ELMO1: variants seen among roughly 807,000 people sequenced by gnomAD.
ELMO1 encodes engulfment and cell motility protein 1.
A neutral mutation model predicts 98.9 loss-of-function variants in ELMO1; 26 were observed. The observed-to-expected ratio is 0.26, with a 90% CI of 0.19 to 0.36. ELMO1 has a LOEUF of 0.36. ELMO1 is among the 10% of genes least tolerant of loss of function. ELMO1 has a pLI of 1.00. For missense variants in ELMO1, 627 were observed against 935.2 expected (o/e 0.67, Z 4.30); for synonymous variants, 346 against 346.0 (o/e 1.00, Z 0.00).
intron 4 of ELMO1, among the ~76,000 whole-genome samples, chr7:37,313,896 A>G (rs1164366390): frequency 6.6e-6 from 1 of 152,148 alleles, no homozygotes; most frequent in Non-Finnish European, 1.5e-5. Context: ...CTGTTTCAGC[A>G]CTGGCCACCT....
chr7:37,138,532 G>C (rs1258213772), intron 13 of ELMO1, among the ~76,000 whole-genome samples: 1 of 152,174 alleles, frequency 6.6e-6, no homozygotes, highest in Non-Finnish European at 1.5e-5. Context: ...GGAAGATATA[G>C]AATCTCTGAG....
intron 14 of ELMO1, among the ~76,000 whole-genome samples, chr7:37,101,609 T>C (rs1784645393): frequency 1.3e-5 from 2 of 152,124 alleles, no homozygotes; most frequent in South Asian, 4.1e-4. Context: ...AAACTATCAC[T>C]AAGAGATAAA....
At chr7:37,037,534 G>T (rs760007810) in intron 15 of ELMO1, among the ~76,000 whole-genome samples, 1 of 152,224 alleles carries the variant, frequency 6.6e-6, no homozygotes, top group Non-Finnish European at 1.5e-5. Flanking sequence ...CGGGCCATCG[G>T]AAGGCCTGAG....
chr7:36,882,041 T>G (rs1584300078), intron 18 of ELMO1, among the ~76,000 whole-genome samples: 1 of 151,950 alleles, frequency 6.6e-6, no homozygotes, highest in South Asian at 2.1e-4. Context: ...CACTGGTAGG[T>G]GTGAAATGCC....
chr7:36,967,341 G>A (rs1409837737), intron 16 of ELMO1, among the ~76,000 whole-genome samples: 1 of 152,132 alleles, frequency 6.6e-6, no homozygotes, highest in Admixed American at 6.5e-5. Flanking sequence ...AAAAACCCAT[G>A]CTTGAGATGC....
intron 15 of ELMO1, 122 bp downstream of exon 15, chr7:37,096,497 T>C: frequency 2.7e-6 from 2 of 742,342 alleles, no homozygotes; most frequent in Middle Eastern, 3.4e-4. Flanking sequence ...AATCAACCTA[T>C]CCACAGTGAT....
At chr7:37,024,105 A>C (rs1794433725) in intron 15 of ELMO1, among the ~76,000 whole-genome samples, 1 of 150,858 alleles carries the variant, frequency 6.6e-6, no homozygotes, top group South Asian at 2.1e-4. Flanking sequence ...CCTTCTGTCC[A>C]TCCATTCATG....
chr7:37,278,149 G>T (rs1326281748), intron 4 of ELMO1, among the ~76,000 whole-genome samples: 1 of 22,442 alleles, frequency 4.5e-5, no homozygotes, highest in Non-Finnish European at 1.0e-4. Context: ...CGGGGCTGGG[G>T]GTGGTGTGGT....
At chr7:37,388,762 C>T (rs1802933160) in intron 1 of ELMO1, among the ~76,000 whole-genome samples, 1 of 152,116 alleles carries the variant, frequency 6.6e-6, no homozygotes, top group African/African-American at 2.4e-5. Flanking sequence ...ATGATTGTGC[C>T]ATTTCCCTCC....
intron 14 of ELMO1, among the ~76,000 whole-genome samples, chr7:37,131,534 T>C (rs1232658054): frequency 2.0e-5 from 3 of 152,214 alleles, no homozygotes; most frequent in Non-Finnish European, 4.4e-5. Flanking sequence ...TCCATGAACA[T>C]TAATCAGTTA....
At chr7:37,399,082 C>G (rs10237674) in intron 1 of ELMO1, among the ~76,000 whole-genome samples, 2,346 of 152,276 alleles carry the variant, frequency 0.015, 58 homozygotes, top group African/African-American at 0.054. Context: ...TGAGTCTCTG[C>G]CTTCCCATCC....
chr7:36,865,298 T>A (rs1232084328), intron 20 of ELMO1, among the ~76,000 whole-genome samples: 1 of 152,196 alleles, frequency 6.6e-6, no homozygotes, highest in Non-Finnish European at 1.5e-5. Flanking sequence ...TGTGTGGGTG[T>A]TAAATTATGG....
At chr7:37,437,627 C>T (rs1474208500) in intron 1 of ELMO1, among the ~76,000 whole-genome samples, 1 of 152,164 alleles carries the variant, frequency 6.6e-6, no homozygotes, top group Non-Finnish European at 1.5e-5. Flanking sequence ...AAATATTTAG[C>T]ATTCCTTTGT....
chr7:37,317,117 C>T (rs1431218995), intron 2 of ELMO1, among the ~76,000 whole-genome samples: 3 of 152,080 alleles, frequency 2.0e-5, no homozygotes, highest in African/African-American at 7.2e-5. Context: ...ATTAGGACTC[C>T]TGAAAGGGCT....
At chr7:37,007,000 G>A (rs879886081) in intron 16 of ELMO1, among the ~76,000 whole-genome samples, 2 of 151,956 alleles carry the variant, frequency 1.3e-5, no homozygotes, top group Non-Finnish European at 2.9e-5. Context: ...CATGGAAATA[G>A]GTAACACTAT....
At chr7:37,208,561 A>G (rs1792768912) in intron 13 of ELMO1, among the ~76,000 whole-genome samples, 1 of 152,264 alleles carries the variant, frequency 6.6e-6, no homozygotes, top group Non-Finnish European at 1.5e-5. Context: ...AAGTACAGAG[A>G]GAATTCTGCA....
At position 37,099,637 on chromosome 7, in the gene ELMO1, C is replaced by T. The variant is rs147665446; in HGVS notation, c.1192-2910G>A. On this transcript the variant is annotated intron_variant, in intron 14 of 21. Coordinates refer to ENST00000310758, the MANE Select transcript of ELMO1 (RefSeq NM_014800.11). ...ATTTTATTTAAAAAAACTGGATATC[C>T]GTGCAATGTGAAGTTATATTTTTAT... 1.5e-3 allele frequency among the ~76,000 whole-genome samples: 222 copies of T among 152,126 alleles called. 1 individual carries two copies. Among genetic ancestry groups the T allele is most frequent in the Non-Finnish European group, 1.5e-3 (104 of 68,000 alleles).
At chr7:37,026,608 C>T (rs570874542) in intron 15 of ELMO1, among the ~76,000 whole-genome samples, 1 of 152,242 alleles carries the variant, frequency 6.6e-6, no homozygotes, top group South Asian at 2.1e-4. Flanking sequence ...TGAATGCACC[C>T]TAAATTCAAC....
At chr7:37,033,062 G>A (rs1282973444) in intron 15 of ELMO1, among the ~76,000 whole-genome samples, 1 of 152,128 alleles carries the variant, frequency 6.6e-6, no homozygotes, top group Non-Finnish European at 1.5e-5. Context: ...TTTTCCTTCA[G>A]AATAATTTAC....
Sources: gnomAD v4.1 joint callset for allele counts (sites outside exome capture counted in the v4.1 genomes callset) on GRCh38, gnomAD v4.1.1 for gene constraint, MANE v1.5 for transcripts, NCBI Gene and HGNC (gene_info 2026-07-23, HGNC 2026-07-21) for gene names.